Variants in HDAC9 observed in about 807,000 individuals in gnomAD.
HDAC9 encodes the protein MEF-2 interacting transcription repressor (MITR) protein.
Under a neutral mutation model 139.4 loss-of-function variants are expected in HDAC9, and 41 were observed. The ratio of observed to expected loss-of-function variants is 0.29; its 90% CI spans 0.23 to 0.38. The LOEUF is 0.38. Among genes scored for constraint, HDAC9 ranks in the 10% least tolerant of loss-of-function variants. The pLI is 1.00. For missense variants in HDAC9, 1,147 were observed against 1,297.0 expected (o/e 0.88, Z 1.78); for synonymous variants, 517 against 476.2 (o/e 1.09, Z -1.12).
chr7:18,459,097 T>A (rs1291441562), intron 1 of HDAC9, among the ~76,000 whole-genome samples: 1 of 152,116 alleles, frequency 6.6e-6, no homozygotes, highest in Non-Finnish European at 1.5e-5. Context: ...GAGAAGCAGG[T>A]TACCAGCAGG....
intron 16 of HDAC9, among the ~76,000 whole-genome samples, chr7:18,771,049 C>A (rs1790245831): frequency 6.6e-6 from 1 of 152,000 alleles, no homozygotes; most frequent in African/African-American, 2.4e-5. Context: ...AGTGTCAGAC[C>A]CTTGATTGGA....
At chr7:18,652,341 G>C (rs1466102180) in intron 11 of HDAC9, among the ~76,000 whole-genome samples, 8 of 151,926 alleles carry the variant, frequency 5.3e-5, no homozygotes, top group Admixed American at 4.6e-4. Flanking sequence ...ATAAGGTATT[G>C]GTAATTTTCT....
intron 2 of HDAC9, among the ~76,000 whole-genome samples, chr7:18,516,520 G>GA (rs1309856738): frequency 6.6e-6 from 1 of 152,092 alleles, no homozygotes; most frequent in African/African-American, 2.4e-5. Context: ...CTTCACATGA[G>GA]AACCCCAGAG....
rs183106260 is a variant in HDAC9, at chr7:18,251,945, T to C, written c.25+89596T>C. ...CTGTATATACGTATGTCCCCGAGAG[T>C]GCACTTTCCATGAATGATGGCTTGC... On this transcript the variant is annotated intron_variant, in intron 2 of 12. Transcript: ENST00000417496. 2.0e-4 allele frequency among the ~76,000 whole-genome samples: 30 copies of C among 152,094 alleles called. No individual in the cohort carries two copies. The East Asian group carries it at 5.0e-3, about 25-fold the overall frequency.
At position 18,997,227 on chromosome 7, in the gene HDAC9, A is replaced by G. The variant is rs75720400; in HGVS notation, c.*1165A>G. ...GTTGCTAAATTTCTATGTGTTTGAA[A>G]TGTGTTAATGAAGGCACTGCTTATT... On this transcript the variant is annotated 3_prime_UTR_variant, in exon 26 of 26. Transcript: ENST00000686413. 1 of 151,794 alleles carries G rather than the reference A, an allele frequency of 6.6e-6. No homozygotes were observed. The highest frequency in any genetic ancestry group is 1.5e-5 in the Non-Finnish European group (1 of 67,958). 9.4% of individuals were successfully genotyped at this position (151,794 alleles called of 1,614,324 possible).
exon 2 of HDAC9, chr7:18,162,317 T>C (rs1787684142): frequency 2.0e-6 from 3 of 1,535,270 alleles, no homozygotes; most frequent in East Asian, 4.9e-5. Context: ...GCAGTCCCTC[T>C]GATTCTCATG....
intron 2 of HDAC9, among the ~76,000 whole-genome samples, chr7:18,283,313 A>G (rs530346122): frequency 6.6e-6 from 1 of 152,262 alleles, no homozygotes; most frequent in South Asian, 2.1e-4. Context: ...CTCACTCACA[A>G]TCAAGAGAAC....
intron 12 of HDAC9, among the ~76,000 whole-genome samples, chr7:18,719,950 G>A (rs766743569): frequency 3.5e-4 from 54 of 152,262 alleles, no homozygotes; most frequent in African/African-American, 7.5e-4. Context: ...TCAATTCATC[G>A]TAAGTGTAAG....
chr7:18,916,936 G>A (rs886317635), intron 22 of HDAC9, among the ~76,000 whole-genome samples: 15 of 151,978 alleles, frequency 9.9e-5, no homozygotes, highest in African/African-American at 3.4e-4. Context: ...GAGCATCCCA[G>A]AATGTTTATT....
At chr7:18,972,977 A>G (rs1784341820) in intron 24 of HDAC9, among the ~76,000 whole-genome samples, 1 of 152,210 alleles carries the variant, frequency 6.6e-6, no homozygotes, top group Admixed American at 6.5e-5. Context: ...TGAGAATTTT[A>G]TAATTGAGCT....
At chr7:18,712,661 T>C (rs1441342837) in intron 12 of HDAC9, among the ~76,000 whole-genome samples, 1 of 152,208 alleles carries the variant, frequency 6.6e-6, no homozygotes, top group Non-Finnish European at 1.5e-5. Context: ...TGCAGGTTCA[T>C]TGACATGTTA....
Position 18,428,306 on chromosome 7 carries a change from G to A in HDAC9, c.-41-67956G>A, listed in dbSNP as rs1201641515. On this transcript the variant is annotated intron_variant, in intron 1 of 3. Transcript: ENST00000413509. ...CAACAAACTGAAAAGCTTCTACACA[G>A]CAAAGGAAATAATCAACAGAGTGAA... Among the ~76,000 whole-genome samples the A allele has an allele frequency of 3.3e-5, 5 of 151,990 alleles. No individual in the cohort carries two copies. In the East Asian group the frequency reaches 9.6e-4, roughly 29 times the overall value.
At chr7:18,572,997 A>T (rs936456202) in intron 2 of HDAC9, among the ~76,000 whole-genome samples, 2 of 152,262 alleles carry the variant, frequency 1.3e-5, no homozygotes, top group Non-Finnish European at 2.9e-5. Context: ...AAAGGCTTTG[A>T]TTAAGAAGTT....
chr7:18,125,227 C>T (rs537880301), intron 1 of HDAC9, among the ~76,000 whole-genome samples: 3 of 151,930 alleles, frequency 2.0e-5, no homozygotes, highest in African/African-American at 7.3e-5. Context: ...TTCCTGCCAC[C>T]CGGGACACTG....
chr7:18,800,360 G>A (rs781196761), intron 17 of HDAC9, among the ~76,000 whole-genome samples: 1 of 152,008 alleles, frequency 6.6e-6, no homozygotes, highest in Non-Finnish European at 1.5e-5. Flanking sequence ...GTTCTTAAAT[G>A]TATAGTTTAA....
chr7:18,966,002 T>G (rs1047045383), intron 24 of HDAC9, among the ~76,000 whole-genome samples: 47 of 152,166 alleles, frequency 3.1e-4, no homozygotes, highest in Non-Finnish European at 1.6e-4. Context: ...AGATACTGTT[T>G]GTTTCAGATT....
intron 2 of HDAC9, among the ~76,000 whole-genome samples, chr7:18,244,291 C>T (rs1380100502): frequency 1.3e-5 from 2 of 152,092 alleles, no homozygotes; most frequent in Admixed American, 6.5e-5. Flanking sequence ...AAAAACAAAA[C>T]CCCCCTACTA....
chr7:18,929,059 TAGAG>T (rs943514765), intron 22 of HDAC9, among the ~76,000 whole-genome samples: 21 of 152,114 alleles, frequency 1.4e-4, no homozygotes, highest in African/African-American at 3.4e-4. Flanking sequence ...TTGGAAATGT[TAGAG>T]AGAAGCATTT....
intron 2 of HDAC9, among the ~76,000 whole-genome samples, chr7:18,544,721 A>G (rs1814193354): frequency 6.6e-6 from 1 of 152,224 alleles, no homozygotes; most frequent in South Asian, 2.1e-4. Context: ...AACTAAGGAA[A>G]GACAGTATTT....
Sources: gnomAD v4.1 joint callset for allele counts (sites outside exome capture counted in the v4.1 genomes callset) on GRCh38, gnomAD v4.1.1 for gene constraint, MANE v1.5 for transcripts, NCBI Gene and HGNC (gene_info 2026-07-23, HGNC 2026-07-21) for gene names.